Variants in DENND1A observed in about 807,000 individuals in gnomAD.
The protein encoded by DENND1A is DENN domain-containing protein 1A.
Under a neutral mutation model 113.7 loss-of-function variants are expected in DENND1A, and 51 were observed. The observed-to-expected ratio is 0.45, with a 90% confidence interval of 0.36 to 0.57. The LOEUF is 0.57. Among genes scored for constraint, DENND1A ranks in the 20% least tolerant of loss-of-function variants. DENND1A has a pLI of 0.00. For synonymous variants in DENND1A, 565 were observed against 570.8 expected (o/e 0.99, Z 0.14); for missense variants, 1,258 against 1,395.9 (o/e 0.90, Z 1.57).
intron 11 of DENND1A, among the ~76,000 whole-genome samples, chr9:123,587,119 A>T (rs1459148354): frequency 6.6e-6 from 1 of 151,844 alleles, no homozygotes; most frequent in African/African-American, 2.4e-5. Flanking sequence ...ATATACCAGC[A>T]TTTATTATTA....
At chr9:123,894,889 G>T (rs760722283) in intron 1 of DENND1A, among the ~76,000 whole-genome samples, 32 of 152,148 alleles carry the variant, frequency 2.1e-4, no homozygotes, top group Admixed American at 5.9e-4. Flanking sequence ...AAACTTGATT[G>T]TTCACATTGC....
chr9:123,750,540 C>A (rs997339176), intron 5 of DENND1A, among the ~76,000 whole-genome samples: 6 of 152,290 alleles, frequency 3.9e-5, no homozygotes, highest in African/African-American at 1.4e-4. Flanking sequence ...GTTCTGAGAC[C>A]CACAGTCGGT....
chr9:123,443,545 C>T (rs927524146), intron 18 of DENND1A, among the ~76,000 whole-genome samples: 3 of 152,234 alleles, frequency 2.0e-5, no homozygotes. Context: ...CTTATAAAGT[C>T]CTGTGGTGCA....
intron 15 of DENND1A, 92 bp downstream of exon 15, chr9:123,457,256 T>C (rs1434684645): frequency 1.0e-6 from 1 of 961,284 alleles, no homozygotes; most frequent in South Asian, 1.3e-5. Flanking sequence ...TAAGCCCCAA[T>C]AAAGGAAAAG....
At chr9:123,785,714 C>T (rs775134100) in intron 3 of DENND1A, among the ~76,000 whole-genome samples, 60 of 152,060 alleles carry the variant, frequency 3.9e-4, no homozygotes, top group Non-Finnish European at 7.1e-4. Flanking sequence ...TCAAGAAACC[C>T]GCTTCAGCAG....
chr9:123,692,017 G>C, intron 5 of DENND1A, among the ~76,000 whole-genome samples: 1 of 152,146 alleles, frequency 6.6e-6, no homozygotes, highest in South Asian at 2.1e-4. Context: ...GGCAGGAGAG[G>C]AGGGGAGCTG....
chr9:123,856,913 G>C (rs1374474653), intron 2 of DENND1A, among the ~76,000 whole-genome samples: 1 of 152,094 alleles, frequency 6.6e-6, no homozygotes, highest in Admixed American at 6.5e-5. Context: ...GTTGAAGAGA[G>C]AAGTTACAAA....
At chr9:123,659,243 G>T (rs973675664) in intron 8 of DENND1A, among the ~76,000 whole-genome samples, 4 of 152,126 alleles carry the variant, frequency 2.6e-5, no homozygotes, top group Admixed American at 2.0e-4. Flanking sequence ...TATCCTTTTT[G>T]TTGCTTATGT....
At chr9:123,551,472 C>T (rs145610980) in intron 13 of DENND1A, among the ~76,000 whole-genome samples, 361 of 152,282 alleles carry the variant, frequency 2.4e-3, no homozygotes, top group African/African-American at 8.4e-3. Context: ...CAAAGACAGG[C>T]GGGAGGATGT....
chr9:123,713,668 G>A (rs2066779818), intron 5 of DENND1A, among the ~76,000 whole-genome samples: 1 of 150,420 alleles, frequency 6.6e-6, no homozygotes, highest in Admixed American at 6.6e-5. Flanking sequence ...AAATAACAAT[G>A]AATACATTTT....
intron 13 of DENND1A, among the ~76,000 whole-genome samples, chr9:123,461,754 C>G (rs2048541701): frequency 6.6e-6 from 1 of 152,184 alleles, no homozygotes; most frequent in African/African-American, 2.4e-5. Flanking sequence ...ATCCCCCGGA[C>G]AAGATGTCTG....
intron 10 of DENND1A, among the ~76,000 whole-genome samples, chr9:123,617,696 G>A (rs1321520013): frequency 3.3e-5 from 5 of 152,192 alleles, no homozygotes; most frequent in Non-Finnish European, 5.9e-5. Flanking sequence ...AGACCACTGC[G>A]GCAGGAGAAG....
chr9:123,401,701 T>C (rs2043477117), intron 21 of DENND1A: 2 of 1,560,366 alleles, frequency 1.3e-6, no homozygotes, highest in Admixed American at 1.9e-5. Context: ...AAAGTGATAC[T>C]GACACAGTTC....
Position 123,930,013 on chromosome 9 carries a change from T to A in DENND1A, c.-108A>T. The stretch of plus-strand genomic sequence containing the variant: ...GGCGCTCTCCCCGCCCCTTCCTCCC[T>A]TCCCTCAGGCTGGGGCCCGCCCGCT... On this transcript the variant is annotated 5_prime_UTR_variant, in exon 1 of 24. It adds an upstream start codon to the 5' untranslated region. Transcript: ENST00000394215. The A allele has an allele frequency of 4.9e-6, 1 of 203,748 alleles. No homozygotes were observed. The highest frequency in any genetic ancestry group is 9.5e-6 in the Non-Finnish European group (1 of 104,944). The allele number at this position is 203,748 out of a possible 1,614,324, so 12.6% of individuals were successfully genotyped here. A position where few individuals can be genotyped will look rare whatever the true frequency, so the allele number is the denominator to read the frequency against.
intron 11 of DENND1A, among the ~76,000 whole-genome samples, chr9:123,592,198 A>C (rs1432316690): frequency 6.6e-6 from 1 of 152,258 alleles, no homozygotes; most frequent in Non-Finnish European, 1.5e-5. Context: ...AGTTATGTCA[A>C]TAAAATGGAT....
At chr9:123,607,486 G>GACACACAC (rs1337200533) in intron 11 of DENND1A, among the ~76,000 whole-genome samples, 8 of 86,374 alleles carry the variant, frequency 9.3e-5, no homozygotes, top group African/African-American at 2.2e-4. Context: ...CACAGAGAGA[G>GACACACAC]AGACACACAC....
intron 12 of DENND1A, among the ~76,000 whole-genome samples, chr9:123,574,173 C>CTTTTTTTTTTTTTTTTTT (rs542615815): frequency 4.5e-5 from 5 of 110,124 alleles, no homozygotes; most frequent in East Asian, 2.7e-4. Flanking sequence ...CTGTAGTTGC[C>CTTTTTTTTTTTTTTTTTT]TTTTTTTTTT....
chr9:123,556,852 C>T (rs1462462178), intron 13 of DENND1A, among the ~76,000 whole-genome samples: 1 of 152,254 alleles, frequency 6.6e-6, no homozygotes, highest in Non-Finnish European at 1.5e-5. Flanking sequence ...GAACTTCTCT[C>T]TGAAGCTAAG....
At chr9:123,450,911 C>T (rs543429929) in intron 17 of DENND1A, among the ~76,000 whole-genome samples, 162 bp from the exon 18 acceptor site, 10 of 151,692 alleles carry the variant, frequency 6.6e-5, no homozygotes, top group South Asian at 6.3e-4. Context: ...ACAAATACAA[C>T]GGTAAAAGGT....
Sources: allele counts gnomAD v4.1 joint callset (sites outside exome capture counted in the v4.1 genomes callset), GRCh38; gene constraint gnomAD v4.1.1; transcripts MANE v1.5; gene names NCBI Gene and HGNC (gene_info 2026-07-23, HGNC 2026-07-21).